Variants in EPB41L4B observed in about 807,000 individuals in gnomAD.
EPB41L4B encodes band 4.1-like protein 4B.
A neutral mutation model predicts 112.5 loss-of-function variants in EPB41L4B; 30 were observed. The observed-to-expected ratio is 0.27, with a 90% CI of 0.20 to 0.36. The LOEUF is 0.36. EPB41L4B is among the 10% of genes least tolerant of loss of function. EPB41L4B has a pLI of 1.00. For synonymous variants in EPB41L4B, 408 were observed against 439.7 expected, an observed-to-expected ratio of 0.93 and a Z score of 0.90; for missense variants, 1,024 against 1,133.3, an observed-to-expected ratio of 0.90 and a Z score of 1.38.
At position 109,207,982 on chromosome 9, in the gene EPB41L4B, T is replaced by G. The variant is rs765082102; in HGVS notation, c.1820A>C (p.His607Pro). ...GGCTTTCAGAATGTTACACTTCACA[T>G]GATCCGCAACAGGGGAAGGCAAAAG... ...TPLLPSPVAD[H>P]VKCNILKAQL... The change falls in exon 18 of 26, where the codon CAT becomes CCT. Residue 607 changes from histidine (H) to proline (P), a missense_variant. Physicochemically the swap from His to Pro is moderately conservative, Grantham distance 77. Coordinates refer to ENST00000374566, the MANE Select transcript of EPB41L4B (RefSeq NM_019114.5). 1.2e-6 allele frequency: 2 copies of G among 1,614,236 alleles called. No individual in the cohort carries two copies. Among genetic ancestry groups the G allele is most frequent in the East Asian group, 4.5e-5 (2 of 44,886 alleles).
chr9:109,294,752 A>G (rs1450234208), intron 1 of EPB41L4B, among the ~76,000 whole-genome samples: 2 of 152,152 alleles, frequency 1.3e-5, no homozygotes, highest in African/African-American at 2.4e-5. Flanking sequence ...AGGTTAAACA[A>G]TAAGTTGCCT....
rs146422091 is a variant in EPB41L4B at position 109,200,784 on chromosome 9, A to G, written c.1947-450T>C. ...AGCACAGACTATATTTTTTTTTTAA[A>G]AAAAGATAAGAACCATACTATACTT... On this transcript the variant is annotated intron_variant, in intron 19 of 25. Coordinates refer to ENST00000374566, the MANE Select transcript of EPB41L4B (RefSeq NM_019114.5). Among the ~76,000 whole-genome samples, 771 of 152,182 alleles carry G rather than the reference A, an allele frequency of 5.1e-3. 9 individuals carry two copies. Among genetic ancestry groups the G allele is most frequent in the South Asian group, 0.022 (108 of 4,818 alleles).
intron 24 of EPB41L4B, among the ~76,000 whole-genome samples, chr9:109,181,021 T>A (rs557047982): frequency 1.2e-3 from 188 of 152,300 alleles, no homozygotes; most frequent in African/African-American, 4.2e-3. Context: ...CAGAATTTTT[T>A]AAAAAATCAA....
intron 22 of EPB41L4B, among the ~76,000 whole-genome samples, chr9:109,189,603 G>A (rs577884085): frequency 6.6e-6 from 1 of 152,198 alleles, no homozygotes; most frequent in African/African-American, 2.4e-5. Context: ...AAAGTGAAAG[G>A]CTTATGCTAG....
At chr9:109,296,136 C>A (rs1034737950) in intron 1 of EPB41L4B, among the ~76,000 whole-genome samples, 1 of 152,176 alleles carries the variant, frequency 6.6e-6, no homozygotes, top group Non-Finnish European at 1.5e-5. Context: ...GGAAATCTAG[C>A]CAAGAAACGT....
intron 22 of EPB41L4B, among the ~76,000 whole-genome samples, chr9:109,189,030 G>A (rs1361109115): frequency 2.0e-5 from 3 of 152,002 alleles, no homozygotes; most frequent in Non-Finnish European, 2.9e-5. Flanking sequence ...AACTCCCCTC[G>A]CTCAGTCAAC....
Position 109,192,302 on chromosome 9 carries a change from C to T in EPB41L4B, c.2277G>A (p.Met759Ile). 1 of 1,610,502 alleles carries T rather than the reference C, an allele frequency of 6.2e-7. No individual in the cohort carries two copies. The highest frequency in any genetic ancestry group is 8.5e-7 in the Non-Finnish European group (1 of 1,178,326). ...AFTLEPGDLL[M>I]DFTEATPLAE... ...CCAGAGGAGTGGCTTCTGTGAAATC[C>T]ATCAGAAGATCACCCGGCTCCAGGG... Residue 759 changes from methionine (M) to isoleucine (I), a missense_variant, in exon 22 of 26, where the codon ATG becomes ATA. Physicochemically the swap from Met to Ile is conservative, Grantham distance 10. Coordinates refer to ENST00000374566, the MANE Select transcript of EPB41L4B (RefSeq NM_019114.5).
intron 16 of EPB41L4B, 74 bp from the exon 17 acceptor site, chr9:109,213,892 G>GCCAGCGCCCGATTC (rs1833273263): frequency 7.4e-7 from 1 of 1,346,566 alleles, no homozygotes; most frequent in Non-Finnish European, 1.1e-6. Flanking sequence ...AGGGACACTT[G>GCCAGCGCCCGATTC]CCAGCGCCCG....
intron 22 of EPB41L4B, 44 bp from the exon 23 acceptor site, chr9:109,185,649 A>G (rs906470015): frequency 6.1e-6 from 9 of 1,479,998 alleles, no homozygotes; most frequent in Non-Finnish European, 7.4e-6. Flanking sequence ...AGGTGGCAAG[A>G]GAAGGGGAGG....
intron 1 of EPB41L4B, among the ~76,000 whole-genome samples, chr9:109,286,752 T>G (rs1588210941): frequency 1.3e-5 from 2 of 152,196 alleles, no homozygotes; most frequent in Middle Eastern, 3.2e-3. Context: ...AGGGGCCAAG[T>G]CATCCAAAAC....
At position 109,267,563 on chromosome 9, in the gene EPB41L4B, G is replaced by A; in HGVS notation, c.455-12C>T. The stretch of plus-strand genomic sequence containing the variant: ...ATAAGCAGGTCCAACTAAACATTTG[G>A]AGATGGAAGGTTGAAGATGTTTTTC... On this transcript the variant is annotated splice_polypyrimidine_tract_variant and intron_variant, in intron 3 of 25. Coordinates refer to ENST00000374566, the MANE Select transcript of EPB41L4B (RefSeq NM_019114.5). The A allele has an allele frequency of 1.9e-6, 3 of 1,564,144 alleles. No individual in the cohort carries two copies. The highest frequency in any genetic ancestry group is 2.6e-6 in the Non-Finnish European group (3 of 1,135,188).
intron 15 of EPB41L4B, among the ~76,000 whole-genome samples, chr9:109,232,930 T>C (rs950438059): frequency 2.0e-5 from 3 of 152,226 alleles, no homozygotes; most frequent in African/African-American, 7.2e-5. Flanking sequence ...AACACTGATA[T>C]GAATTTTAAG....
chr9:109,293,693 A>G (rs2119189513), intron 1 of EPB41L4B, among the ~76,000 whole-genome samples: 1 of 100,872 alleles, frequency 9.9e-6, no homozygotes, highest in African/African-American at 4.5e-5. Context: ...CAACATACAC[A>G]TTCTTAAAAA....
intron 25 of EPB41L4B, among the ~76,000 whole-genome samples, 188 bp downstream of exon 25, chr9:109,176,363 C>A (rs2118574143): frequency 6.6e-6 from 1 of 152,280 alleles, no homozygotes; most frequent in East Asian, 1.9e-4. Flanking sequence ...AAGGGATCCT[C>A]CCTTGTGCTG....
At chr9:109,185,375 G>T (rs1368480875) in intron 23 of EPB41L4B, 114 bp downstream of exon 23, 19 of 850,984 alleles carry the variant, frequency 2.2e-5, no homozygotes, top group Non-Finnish European at 2.7e-5. Flanking sequence ...CTGTCGATGG[G>T]CTCTGCCCGA....
At position 109,239,144 on chromosome 9, in the gene EPB41L4B, G is replaced by T. The variant is rs3860150; in HGVS notation, c.1409+4474C>A. Reference sequence around the variant, plus strand: ...AAGGGCACCTCTGAGCCAGAGAAAAGATGCTCCTATGGGATCCATGCCAGT... The same window carrying T: ...AAGGGCACCTCTGAGCCAGAGAAAATATGCTCCTATGGGATCCATGCCAGT... On this transcript the variant is annotated intron_variant, in intron 15 of 25. Coordinates refer to ENST00000374566, the MANE Select transcript of EPB41L4B (RefSeq NM_019114.5). 5.6e-3 allele frequency among the ~76,000 whole-genome samples: 857 copies of T among 152,302 alleles called. 15 individuals carry two copies. The East Asian group carries it at 0.081, about 14-fold the overall frequency.
intron 6 of EPB41L4B, among the ~76,000 whole-genome samples, chr9:109,262,167 T>C (rs1435557306): frequency 6.6e-6 from 1 of 152,142 alleles, no homozygotes; most frequent in Non-Finnish European, 1.5e-5. Context: ...CCCACTCACA[T>C]GCAAAAATAC....
In EPB41L4B at chr9:109,292,467, T is replaced by C. The variant is rs59201110; in HGVS notation, c.307-12546A>G. ...CATTATCATCAGGCAAGGCAAGTCATGTAAACTGTCACAGTGCACTTGCCC... is the reference window on the plus strand; with the variant it reads ...CATTATCATCAGGCAAGGCAAGTCACGTAAACTGTCACAGTGCACTTGCCC... On this transcript the variant is annotated intron_variant, in intron 1 of 25. Transcript: ENST00000374566. 4.5e-4 allele frequency among the ~76,000 whole-genome samples: 68 copies of C among 152,310 alleles called. No individual in the cohort carries two copies. In the East Asian group the frequency reaches 0.01, roughly 23 times the overall value.
At chr9:109,240,491 G>A in intron 15 of EPB41L4B, 1 of 985,154 alleles carries the variant, frequency 1.0e-6, no homozygotes, top group South Asian at 4.7e-5. Flanking sequence ...ATACAAAAAT[G>A]GCACAAGAAT....
Sources: allele counts gnomAD v4.1 joint callset (sites outside exome capture counted in the v4.1 genomes callset), GRCh38; gene constraint gnomAD v4.1.1; transcripts MANE v1.5; gene names NCBI Gene and HGNC (gene_info 2026-07-23, HGNC 2026-07-21).